The following LIN54 variants were observed in gnomAD, a reference collection of about 807,000 sequenced individuals.
The protein encoded by LIN54 is lin-54 DREAM MuvB core complex component, also known as protein lin-54 homolog.
LIN54 carries 9 observed loss-of-function variants against 78.7 expected under a neutral mutation model. The observed-to-expected ratio is 0.11, with a 90% CI of 0.07 to 0.20. The LOEUF (loss-of-function observed/expected upper bound fraction) is 0.20, where lower values mean the gene tolerates loss of function less well. Ranked by LOEUF, LIN54 falls within the 10% of genes least tolerant of loss-of-function variation. The probability of loss-of-function intolerance (pLI) is 1.00; values close to 1 mark genes in which losing one functional copy is unlikely to be tolerated. For synonymous variants in LIN54, 269 were observed against 318.4 expected (o/e 0.84, Z 1.65); for missense variants, 573 against 889.9 (o/e 0.64, Z 4.53).
intron 4 of LIN54, among the ~76,000 whole-genome samples, chr4:82,965,681 G>C (rs6848567): frequency 0.42 from 64,247 of 152,102 alleles, 16,825 homozygotes; most frequent in Admixed American, 0.58. Context: ...AGAGGCATGG[G>C]TGGAAAAGGG....
chr4:82,979,027 T>C (rs1037291091), intron 2 of LIN54, 21 bp from the exon 3 acceptor site: 1 of 1,527,678 alleles, frequency 6.5e-7, no homozygotes, highest in African/African-American at 1.4e-5. Flanking sequence ...TAAATAACTA[T>C]GAAGACCATC....
At chr4:82,934,623 T>C (rs933071102) in intron 11 of LIN54, among the ~76,000 whole-genome samples, 3 of 152,298 alleles carry the variant, frequency 2.0e-5, no homozygotes, top group South Asian at 4.1e-4. Flanking sequence ...ACATGCTGTA[T>C]GGGAGAGGGC....
chr4:83,010,502 T>C lies in LIN54; in HGVS notation c.-51A>G. The C allele has an allele frequency of 8.8e-7, 1 of 1,133,756 alleles. No individual in the cohort carries two copies. Among genetic ancestry groups the C allele is most frequent in the African/African-American group, 1.6e-5 (1 of 60,810 alleles). 70.2% of individuals were successfully genotyped at this position (1,133,756 alleles called of 1,614,324 possible). On this transcript the variant is annotated 5_prime_UTR_variant, in exon 1 of 13. Coordinates refer to ENST00000340417, the MANE Select transcript of LIN54 (RefSeq NM_194282.4). ...CCTCTACCTCCAGCGGCTGCCGCTT[T>C]CTCCTCCCTCGGGCTCCGAGGTAGG...
chr4:82,929,196 G>T (rs1038279256), intron 12 of LIN54, among the ~76,000 whole-genome samples: 6 of 152,096 alleles, frequency 3.9e-5, no homozygotes, highest in African/African-American at 1.4e-4. Flanking sequence ...TTAATTTAAG[G>T]TTTTGGTCAC....
At chr4:82,983,299 C>T (rs1380150314) in intron 2 of LIN54, among the ~76,000 whole-genome samples, 1 of 152,084 alleles carries the variant, frequency 6.6e-6, no homozygotes, top group Non-Finnish European at 1.5e-5. Context: ...AGGCTTAAGC[C>T]ACCACGCCCC....
At chr4:82,977,102 C>T (rs1228535640) in intron 3 of LIN54, among the ~76,000 whole-genome samples, 8 of 152,084 alleles carry the variant, frequency 5.3e-5, no homozygotes, top group African/African-American at 1.2e-4. Context: ...CAGACACTTC[C>T]GCGAACACCA....
At chr4:82,977,791 G>C (rs1385788126) in intron 3 of LIN54, among the ~76,000 whole-genome samples, 1 of 152,180 alleles carries the variant, frequency 6.6e-6, no homozygotes, top group Non-Finnish European at 1.5e-5. Context: ...TTTCATATAA[G>C]CCTTTAGCAC....
chr4:82,988,720 T>C (rs1727393634), intron 1 of LIN54, among the ~76,000 whole-genome samples: 1 of 152,182 alleles, frequency 6.6e-6, no homozygotes, highest in South Asian at 2.1e-4. Flanking sequence ...GTATTGTCAG[T>C]CTTCTGTTGG....
At chr4:82,990,383 C>T (rs1727565835) in intron 1 of LIN54, among the ~76,000 whole-genome samples, 1 of 152,204 alleles carries the variant, frequency 6.6e-6, no homozygotes, top group African/African-American at 2.4e-5. Context: ...TCCCCCATAT[C>T]CCCCAAGTCC....
At chr4:82,958,134 A>C (rs150081108) in intron 4 of LIN54, among the ~76,000 whole-genome samples, 1 of 152,224 alleles carries the variant, frequency 6.6e-6, no homozygotes, top group East Asian at 1.9e-4. Flanking sequence ...ATAATTACGA[A>C]ATGGAAGAGT....
chr4:82,944,727 T>A (rs1438474615), intron 5 of LIN54: 2 of 152,158 alleles, frequency 1.3e-5, no homozygotes, highest in Non-Finnish European at 2.9e-5. Flanking sequence ...ATTTTTTTTT[T>A]AATTTTTAAT....
chr4:82,999,889 G>GT (rs1193721326), intron 1 of LIN54, among the ~76,000 whole-genome samples: 1 of 151,636 alleles, frequency 6.6e-6, no homozygotes, highest in Non-Finnish European at 1.5e-5. Flanking sequence ...GCCCAAACAG[G>GT]TTTTTTGTTT....
In LIN54 at chr4:82,946,303, G is replaced by C; in HGVS notation, c.1123C>G (p.Pro375Ala). 1.9e-6 allele frequency: 3 copies of C among 1,614,206 alleles called. No individual in the cohort carries two copies. The highest frequency in any genetic ancestry group is 2.5e-6 in the Non-Finnish European group (3 of 1,180,014). ...TTTGTACTGGGATTCTGACTAACTG[G>C]CTGGGTTGAGCTACTGGCTGATGTG... ...TATSASSSTQ[P>A]VSQNPSTNTQ... is the part of the protein sequence containing the mutation. The change falls in exon 5 of 13, where the codon CCA becomes GCA. Residue 375 changes from proline to alanine, a missense_variant. By Grantham distance (27) the Pro-to-Ala change is conservative (BLOSUM62 -1). Transcript: ENST00000340417.
intron 1 of LIN54, among the ~76,000 whole-genome samples, chr4:82,994,744 T>C (rs1181240137): frequency 6.6e-6 from 1 of 151,986 alleles, no homozygotes; most frequent in Non-Finnish European, 1.5e-5. Flanking sequence ...ATTCTATTTA[T>C]GTCAGTTAGC....
chr4:82,971,519 T>A (rs928401378), intron 3 of LIN54, among the ~76,000 whole-genome samples: 3 of 150,586 alleles, frequency 2.0e-5, no homozygotes, highest in Non-Finnish European at 4.4e-5. Context: ...AATTTTTAAA[T>A]TTTTTTTAAA....
intron 3 of LIN54, among the ~76,000 whole-genome samples, chr4:82,975,870 A>C (rs980251425): frequency 6.6e-6 from 1 of 152,216 alleles, no homozygotes; most frequent in Non-Finnish European, 1.5e-5. Context: ...CAGAAGTTTA[A>C]GATAAGTACT....
intron 1 of LIN54, among the ~76,000 whole-genome samples, chr4:82,987,855 C>T (rs1289846447): frequency 6.6e-6 from 1 of 152,194 alleles, no homozygotes; most frequent in Non-Finnish European, 1.5e-5. Context: ...GTGCATGTGT[C>T]TTTATAGTAG....
At chr4:82,970,061 T>A (rs1264944218) in intron 4 of LIN54, among the ~76,000 whole-genome samples, 1 of 152,216 alleles carries the variant, frequency 6.6e-6, no homozygotes, top group African/African-American at 2.4e-5. Context: ...CCTACATTAT[T>A]GAATTTATTC....
intron 1 of LIN54, among the ~76,000 whole-genome samples, chr4:83,002,468 G>C (rs1211684987): frequency 6.8e-6 from 1 of 146,584 alleles, no homozygotes; most frequent in Non-Finnish European, 1.5e-5. Context: ...AGGAAGGAGG[G>C]AGGAGGGAAG....
Sources: allele counts gnomAD v4.1 joint callset (sites outside exome capture counted in the v4.1 genomes callset), GRCh38; gene constraint gnomAD v4.1.1; transcripts MANE v1.5; gene names NCBI Gene and HGNC (gene_info 2026-07-23, HGNC 2026-07-21).